Variants in ZNF469 observed in about 807,000 individuals in gnomAD.
ZNF469 encodes zinc finger protein 469.
A neutral mutation model predicts 1.0 loss-of-function variants in ZNF469; 1 was observed. That is an observed-to-expected ratio of 1.00 (90% CI 0.35 to 4.73). The LOEUF is 4.73. ZNF469 is among the 30% of genes most tolerant of loss of function. The probability of loss-of-function intolerance (pLI) is 0.16; values close to 1 mark genes in which losing one functional copy is unlikely to be tolerated. For missense variants in ZNF469, 6,100 were observed against 5,356.3 expected (o/e 1.14, Z -4.33); for synonymous variants, 2,703 against 2,363.4 (o/e 1.14, Z -4.17).
chr16:88,163,556 G>A, the ZNF469 span, among the ~76,000 whole-genome samples: 10 of 151,022 alleles, frequency 6.6e-5, no homozygotes, highest in African/African-American at 2.4e-4. Flanking sequence ...GTGGGCAGAT[G>A]AGTGGGTGAG....
chr16:88,161,536 A>G, the ZNF469 span, among the ~76,000 whole-genome samples: 1 of 152,216 alleles, frequency 6.6e-6, no homozygotes, highest in African/African-American at 2.4e-5. Context: ...GTTGCCTGTC[A>G]CCACTCAGCG....
At chr16:88,285,078 G>T in the ZNF469 span, among the ~76,000 whole-genome samples, 2 of 152,358 alleles carry the variant, frequency 1.3e-5, no homozygotes, top group South Asian at 4.1e-4. Context: ...CCCATGCCTG[G>T]CCTAACATGC....
the ZNF469 span, among the ~76,000 whole-genome samples, chr16:88,336,785 A>C: frequency 6.6e-6 from 1 of 152,226 alleles, no homozygotes; most frequent in African/African-American, 2.4e-5. Flanking sequence ...TCACAAAGTT[A>C]TGCGACCATC....
At position 88,435,530 on chromosome 16, in the gene ZNF469, C is replaced by A. The variant is rs1219290896; in HGVS notation, c.8060C>A (p.Ala2687Asp). 5 of 1,549,508 alleles carry A rather than the reference C, an allele frequency of 3.2e-6. No individual in the cohort carries two copies. The South Asian group carries it at 3.6e-5, about 11-fold the overall frequency. Reference protein sequence around the residue: ...HCLSVEGGPEADGEQPPRLAT... With the variant: ...HCLSVEGGPEDDGEQPPRLAT... ...CTCTCTGTGGAAGGAGGGCCTGAGG[C>A]TGACGGGGAGCAGCCGCCTCGCTTG... is the stretch of plus-strand genomic sequence containing the variant. Residue 2687 changes from alanine (A) to aspartate (D), a missense_variant, in exon 3 of 3, where the codon GCT (alanine) becomes GAT (aspartate). Transcript: ENST00000565624.
chr16:88,390,454 C>T (rs752483609), intron 1 of ZNF469, among the ~76,000 whole-genome samples: 13 of 152,180 alleles, frequency 8.5e-5, no homozygotes, highest in Non-Finnish European at 1.8e-4. Context: ...GTGTCTTCTC[C>T]AGCCAAACAG....
At chr16:88,336,475 CGCACGTTCATCCTTCACATGAG>C in the ZNF469 span, among the ~76,000 whole-genome samples, 1 of 149,496 alleles carries the variant, frequency 6.7e-6, no homozygotes, top group Non-Finnish European at 1.5e-5. Context: ...GCCAATACCA[CGCACGTTCATCCTTCACATGAG>C]ACACATGCCA....
chr16:88,231,921 G>A, the ZNF469 span, among the ~76,000 whole-genome samples: 16 of 152,214 alleles, frequency 1.1e-4, no homozygotes, highest in South Asian at 2.1e-4. This position sits in a 1 kb window ranked among gnomAD's most constrained non-coding sequence, Gnocchi z 4.5. Context: ...GAAGGTGCCC[G>A]TGATGGGCTT....
At chr16:88,221,096 G>A in the ZNF469 span, among the ~76,000 whole-genome samples, 1 of 152,140 alleles carries the variant, frequency 6.6e-6, no homozygotes, top group East Asian at 1.9e-4. Context: ...CTCCTACTCG[G>A]TGTCACTGTG....
chr16:88,104,645 T>A, the ZNF469 span, among the ~76,000 whole-genome samples: 668 of 152,350 alleles, frequency 4.4e-3, 4 homozygotes, highest in African/African-American at 0.015. Flanking sequence ...CCATGCAGCC[T>A]GCACCACCCC....
At chr16:88,296,633 C>T in the ZNF469 span, among the ~76,000 whole-genome samples, 379 of 152,220 alleles carry the variant, frequency 2.5e-3, 3 homozygotes, top group African/African-American at 8.3e-3. Context: ...TGCACACTCA[C>T]ATACGCATAC....
chr16:88,191,133 T>G, the ZNF469 span, among the ~76,000 whole-genome samples: 1 of 151,672 alleles, frequency 6.6e-6, no homozygotes, highest in Non-Finnish European at 1.5e-5. Context: ...CCAAGTGGAT[T>G]GAAGTGAAGG....
chr16:88,359,529 T>C, the ZNF469 span, among the ~76,000 whole-genome samples: 27,547 of 152,256 alleles, frequency 0.18, 3,346 homozygotes, highest in Non-Finnish European at 0.26. Context: ...TGCCTAAAGA[T>C]GTTGCGAACT....
the ZNF469 span, among the ~76,000 whole-genome samples, chr16:88,341,625 G>C: frequency 6.6e-6 from 1 of 152,240 alleles, no homozygotes; most frequent in Non-Finnish European, 1.5e-5. Flanking sequence ...GAGCCAGGGT[G>C]GCAGCAGGCA....
the ZNF469 span, among the ~76,000 whole-genome samples, chr16:88,372,271 A>C: frequency 6.6e-6 from 1 of 152,178 alleles, no homozygotes. Context: ...CGTCACCATC[A>C]CCATCATCAC....
rs1905878746 is a variant in ZNF469, at chr16:88,428,616, A to C, written c.1146A>C (p.Glu382Asp). 1 of 1,550,052 alleles carries C rather than the reference A, an allele frequency of 6.5e-7. No homozygotes were observed. The highest frequency in any genetic ancestry group is 2.0e-5 in the Admixed American group (1 of 50,986). ...LHKSLTKILP[E>D]RPPSAQDGLG... is the part of the protein sequence containing the mutation. Reference sequence around the variant, plus strand: ...AGAGCCTGACCAAAATCCTTCCCGAAAGACCACCTTCAGCCCAGGATGGGC... The same window carrying C: ...AGAGCCTGACCAAAATCCTTCCCGACAGACCACCTTCAGCCCAGGATGGGC... The change falls in exon 3 of 3, where the codon GAA (glutamate) becomes GAC (aspartate). Residue 382 changes from glutamate (E) to aspartate (D), a missense_variant. Physicochemically the swap from Glu to Asp is conservative, Grantham distance 45. Coordinates refer to ENST00000565624, the MANE Select transcript of ZNF469 (RefSeq NM_001367624.2).
At chr16:88,256,138 A>G in the ZNF469 span, among the ~76,000 whole-genome samples, 1 of 152,222 alleles carries the variant, frequency 6.6e-6, no homozygotes, top group Middle Eastern at 3.4e-3. Flanking sequence ...TTCTAACAAT[A>G]TCTATCCACC....
the ZNF469 span, among the ~76,000 whole-genome samples, chr16:88,189,365 T>C: frequency 6.6e-6 from 1 of 152,144 alleles, no homozygotes; most frequent in African/African-American, 2.4e-5. The surrounding 1 kb of genome is among the most constrained non-coding windows in gnomAD (Gnocchi z 4.3). Flanking sequence ...CCGGGGTCTC[T>C]GATGGGGGGA....
At chr16:88,142,561 G>C in the ZNF469 span, among the ~76,000 whole-genome samples, 1 of 152,224 alleles carries the variant, frequency 6.6e-6, no homozygotes, top group Non-Finnish European at 1.5e-5. Context: ...ACAGACCTCA[G>C]CGTGAGCCTC....
At chr16:88,334,171 G>T in the ZNF469 span, among the ~76,000 whole-genome samples, 1 of 152,118 alleles carries the variant, frequency 6.6e-6, no homozygotes, top group Non-Finnish European at 1.5e-5. Context: ...GTCTTGCTCT[G>T]TGTTACAAAT....
Sources: allele counts gnomAD v4.1 joint callset (sites outside exome capture counted in the v4.1 genomes callset), GRCh38; gene constraint gnomAD v4.1.1; non-coding constraint Gnocchi (gnomAD v3.1); transcripts MANE v1.5; gene names NCBI Gene and HGNC (gene_info 2026-07-23, HGNC 2026-07-21).